Variants in BCL2L1 observed in about 807,000 individuals in gnomAD.
BCL2L1 encodes bcl-2-like protein 1.
In BCL2L1, 1 loss-of-function variant was observed where a neutral mutation model predicts 18.7. That is an observed-to-expected ratio of 0.05 (90% CI 0.02 to 0.25). The LOEUF is 0.25. Ranked by LOEUF, BCL2L1 falls within the 10% of genes least tolerant of loss-of-function variation. BCL2L1 has a pLI of 1.00. For synonymous variants in BCL2L1, 103 were observed against 122.7 expected (o/e 0.84, Z 1.06); for missense variants, 207 against 304.9 (o/e 0.68, Z 2.39).
rs182339489 is a variant in BCL2L1 at position 31,682,192 on chromosome 20, T to C, written c.565-16106A>G. On this transcript the variant is annotated intron_variant, in intron 2 of 2. Transcript: ENST00000307677. The stretch of plus-strand genomic sequence containing the variant: ...AAGGTAATGCCAGAAGGCCAGTATA[T>C]GTGCAAGAACTTCCCAAGTCCTTCC... 5.4e-4 allele frequency among the ~76,000 whole-genome samples: 83 copies of C among 152,338 alleles called. 1 individual carries two copies. In the East Asian group the frequency reaches 0.016, roughly 29 times the overall value.
At chr20:31,709,029 G>C (rs988545423) in intron 2 of BCL2L1, among the ~76,000 whole-genome samples, 1 of 152,196 alleles carries the variant, frequency 6.6e-6, no homozygotes, top group Admixed American at 6.5e-5. Flanking sequence ...AGCTCTGCCT[G>C]CTGAGCCCTG....
At chr20:31,707,916 C>CA (rs1258809285) in intron 2 of BCL2L1, among the ~76,000 whole-genome samples, 1 of 152,022 alleles carries the variant, frequency 6.6e-6, no homozygotes, top group African/African-American at 2.4e-5. Flanking sequence ...ACCAACTCAA[C>CA]AACGGTTTGT....
intron 2 of BCL2L1, among the ~76,000 whole-genome samples, chr20:31,719,323 T>C (rs575413173): frequency 4.6e-5 from 7 of 152,098 alleles, no homozygotes; most frequent in Admixed American, 1.3e-4. Flanking sequence ...TAGCCCTGAG[T>C]AGAATAGCCC....
At chr20:31,680,521 T>A (rs1357141402) in intron 2 of BCL2L1, among the ~76,000 whole-genome samples, 1 of 152,200 alleles carries the variant, frequency 6.6e-6, no homozygotes. Context: ...CTGATCTTTA[T>A]CTTGGAAACA....
chr20:31,689,508 A>T (rs2061024500), intron 2 of BCL2L1, among the ~76,000 whole-genome samples: 1 of 151,898 alleles, frequency 6.6e-6, no homozygotes, highest in African/African-American at 2.4e-5. Context: ...GAAGGTAGGA[A>T]ACTTAATCCT....
intron 2 of BCL2L1, among the ~76,000 whole-genome samples, chr20:31,697,005 G>A (rs1271038309): frequency 7.0e-6 from 1 of 143,228 alleles, no homozygotes; most frequent in African/African-American, 2.7e-5. Flanking sequence ...GCAGTGAGCC[G>A]AGATCAAGCC....
chr20:31,689,145 A>C (rs1214601496), intron 2 of BCL2L1, among the ~76,000 whole-genome samples: 2 of 147,360 alleles, frequency 1.4e-5, no homozygotes, highest in African/African-American at 2.5e-5. Context: ...TGGGAAGCCG[A>C]GGCAGGAGGA....
At chr20:31,714,299 G>A (rs1275947320) in intron 2 of BCL2L1, among the ~76,000 whole-genome samples, 1 of 152,174 alleles carries the variant, frequency 6.6e-6, no homozygotes, top group Admixed American at 6.5e-5. Flanking sequence ...GCCAAGGTGA[G>A]ACTGAGAGTA....
intron 2 of BCL2L1, 118 bp from the exon 3 acceptor site, chr20:31,666,204 T>C: frequency 7.5e-7 from 1 of 1,330,884 alleles, no homozygotes. Context: ...TAGCCATCTG[T>C]GCCCACTCTG....
chr20:31,721,331 G>A (rs779785504), intron 2 of BCL2L1, among the ~76,000 whole-genome samples: 4 of 152,180 alleles, frequency 2.6e-5, no homozygotes, highest in African/African-American at 4.8e-5. Context: ...GGGAAACACC[G>A]AACTAACTTC....
chr20:31,723,470 C>A (rs972687012), upstream of BCL2L1: 1 of 985,286 alleles, frequency 1.0e-6, no homozygotes, highest in Non-Finnish European at 1.2e-6. Flanking sequence ...GGGGGCTGCA[C>A]CTCTCCGGAG....
At chr20:31,688,444 C>CA (rs11362299) in intron 2 of BCL2L1, among the ~76,000 whole-genome samples, 5,049 of 86,208 alleles carry the variant, frequency 0.059, 127 homozygotes, top group South Asian at 0.11. Flanking sequence ...ACTCTGTCTC[C>CA]AAAAAAAAAA....
chr20:31,685,679 T>A (rs955580186), intron 2 of BCL2L1, among the ~76,000 whole-genome samples: 1 of 152,186 alleles, frequency 6.6e-6, no homozygotes, highest in Non-Finnish European at 1.5e-5. Flanking sequence ...GATCAGATGA[T>A]CTCTAAGGCT....
intron 2 of BCL2L1, among the ~76,000 whole-genome samples, chr20:31,677,264 C>T (rs1377598022): frequency 2.6e-5 from 4 of 151,660 alleles, no homozygotes; most frequent in Non-Finnish European, 5.9e-5. Flanking sequence ...TCACTGCAAC[C>T]TCTGCCTCCC....
chr20:31,708,145 C>A (rs2061398847), intron 2 of BCL2L1, among the ~76,000 whole-genome samples: 1 of 152,158 alleles, frequency 6.6e-6, no homozygotes, highest in African/African-American at 2.4e-5. Flanking sequence ...CTTAGGGCAA[C>A]AAGGGTCTGG....
intron 2 of BCL2L1, among the ~76,000 whole-genome samples, chr20:31,701,366 T>TA (rs1432556990): frequency 6.6e-6 from 1 of 152,188 alleles, no homozygotes; most frequent in Non-Finnish European, 1.5e-5. Flanking sequence ...GTTAGATTTT[T>TA]AAAAAACCAT....
intron 2 of BCL2L1, among the ~76,000 whole-genome samples, chr20:31,669,922 G>A (rs1188961508): frequency 1.3e-5 from 2 of 152,174 alleles, no homozygotes; most frequent in Non-Finnish European, 2.9e-5. Context: ...ATGTAGATTT[G>A]AGCCACATTT....
At chr20:31,678,036 A>G (rs2060792379) in intron 2 of BCL2L1, among the ~76,000 whole-genome samples, 8 of 152,206 alleles carry the variant, frequency 5.3e-5, no homozygotes, top group Admixed American at 5.2e-4. Context: ...GGTGTCCAGT[A>G]TTCTCCAGAC....
At chr20:31,707,617 A>G (rs975393723) in intron 2 of BCL2L1, among the ~76,000 whole-genome samples, 1 of 151,924 alleles carries the variant, frequency 6.6e-6, no homozygotes, top group South Asian at 2.1e-4. Context: ...CGTCTCTACT[A>G]AAAAAACAAA....
Sources: gnomAD v4.1 joint callset for allele counts (sites outside exome capture counted in the v4.1 genomes callset) on GRCh38, gnomAD v4.1.1 for gene constraint, MANE v1.5 for transcripts, NCBI Gene and HGNC (gene_info 2026-07-23, HGNC 2026-07-21) for gene names.